The following DYNC1H1 variants were observed in gnomAD, a reference collection of about 807,000 sequenced individuals.
DYNC1H1 encodes cytoplasmic dynein 1 heavy chain 1.
DYNC1H1 carries 51 observed loss-of-function variants against 527.1 expected under a neutral mutation model. The ratio of observed to expected loss-of-function variants is 0.10; its 90% CI spans 0.08 to 0.12. The LOEUF (loss-of-function observed/expected upper bound fraction) is 0.12, where lower values mean the gene tolerates loss of function less well. DYNC1H1 is among the 10% of genes least tolerant of loss of function. The probability of loss-of-function intolerance (pLI) is 1.00; values close to 1 mark genes in which losing one functional copy is unlikely to be tolerated. For synonymous variants in DYNC1H1, 2,189 were observed against 2,278.8 expected (o/e 0.96, Z 1.12); for missense variants, 2,771 against 5,971.8 (o/e 0.46, Z 17.66).
intron 41 of DYNC1H1, among the ~76,000 whole-genome samples, chr14:102,019,207 C>T (rs1000487028): frequency 7.9e-5 from 12 of 152,230 alleles, no homozygotes; most frequent in African/African-American, 2.7e-4. Flanking sequence ...GGACCAGCTA[C>T]GCCTCCACCA....
intron 43 of DYNC1H1, 54 bp downstream of exon 43, chr14:102,022,934 A>C (rs375258507): frequency 6.2e-7 from 1 of 1,612,768 alleles, no homozygotes; most frequent in Admixed American, 1.7e-5. Flanking sequence ...TCCCTTTCTA[A>C]CACTAACGAA....
Position 102,038,484 on chromosome 14 carries a change from T to A in DYNC1H1, c.10933T>A (p.Leu3645Met), listed in dbSNP as rs1333048158. The change falls in exon 58 of 78, where the codon TTG (leucine) becomes ATG (methionine). Residue 3645 changes from leucine to methionine, a missense_variant. Physicochemically the swap from Leu to Met is conservative, Grantham distance 15. Coordinates refer to ENST00000360184, the MANE Select transcript of DYNC1H1 (RefSeq NM_001376.5). The surrounding 1 kb of genome is among the most constrained non-coding windows in gnomAD (Gnocchi z 7.2). The part of the protein sequence containing the change: ...VQDVESYDPV[L>M]NPVLNREVRR... ...GGATGTGGAAAGCTACGATCCAGTT[T>A]TGAACCCGGTGCTGAACCGTGAAGT... The A allele has an allele frequency of 1.2e-6, 2 of 1,614,130 alleles. No individual in the cohort carries two copies. Among genetic ancestry groups the A allele is most frequent in the Non-Finnish European group, 1.7e-6 (2 of 1,180,036 alleles).
At position 102,022,934 on chromosome 14, in the gene DYNC1H1, A is replaced by G. The variant is rs375258507; in HGVS notation, c.8637+54A>G. The G allele has an allele frequency of 2.0e-5, 32 of 1,612,768 alleles. No homozygotes were observed. The East Asian group carries it at 2.0e-4, about 10-fold the overall frequency. On this transcript the variant is annotated intron_variant, in intron 43 of 77. Transcript: ENST00000360184. ...CTTCTTTTTCTGCCATCCCTTTCTA[A>G]CACTAACGAATTCTAACGAATTATC...
chr14:102,026,254 T>C (rs566298318), intron 43 of DYNC1H1, among the ~76,000 whole-genome samples: 1 of 152,346 alleles, frequency 6.6e-6, no homozygotes, highest in South Asian at 2.1e-4. Flanking sequence ...TGACTGGGAT[T>C]ACATTGAACT....
rs1252224709 is a variant in DYNC1H1 at position 101,997,457 on chromosome 14, CCT to C, written c.3804+186_3804+187del. ...GTGAAAATATGAAGCCCAGCTTAGACCTCTTTTTACTCAGAATGGCATTCAGT... is the reference window on the plus strand; with the variant it reads ...GTGAAAATATGAAGCCCAGCTTAGACCTTTTTACTCAGAATGGCATTCAGT... On this transcript the variant is annotated intron_variant, in intron 16 of 77. Coordinates refer to ENST00000360184, the MANE Select transcript of DYNC1H1 (RefSeq NM_001376.5). The surrounding 1 kb of genome is among the most constrained non-coding windows in gnomAD (Gnocchi z 4.8). 1.3e-5 allele frequency among the ~76,000 whole-genome samples: 2 copies of C among 152,158 alleles called. No individual in the cohort carries two copies. Among genetic ancestry groups the C allele is most frequent in the Non-Finnish European group, 2.9e-5 (2 of 68,028 alleles).
chr14:102,055,247 C>T lies in DYNC1H1; in HGVS notation c.*4684C>T, dbSNP rs1319336328. On this transcript the variant is annotated 3_prime_UTR_variant, in exon 78 of 78. Coordinates refer to ENST00000360184, the MANE Select transcript of DYNC1H1 (RefSeq NM_001376.5). ...ACCTAAGTGACAGATCCAGCATGCA[C>T]TTTATGACCATCACTCTGCTCCTCC... 6.6e-6 allele frequency: 1 copy of T among 152,274 alleles called. No homozygotes were observed. The highest frequency in any genetic ancestry group is 2.4e-5 in the African/African-American group (1 of 41,412). The allele number at this position is 152,274 out of a possible 1,614,324, so 9.4% of individuals were successfully genotyped here.
At position 102,033,040 on chromosome 14, in the gene DYNC1H1, T is replaced by C. The variant is rs1262636039; in HGVS notation, c.10080-25T>C. The C allele has an allele frequency of 6.2e-7, 1 of 1,605,584 alleles. No homozygotes were observed. Among genetic ancestry groups the C allele is most frequent in the East Asian group, 2.2e-5 (1 of 44,850 alleles). On this transcript the variant is annotated intron_variant, in intron 52 of 77. Transcript: ENST00000360184. This position sits in a 1 kb window ranked among gnomAD's most constrained non-coding sequence, Gnocchi z 5.6. ...TCCTTGCTTTTGTCCTGCATGTGTT[T>C]AGAAATATCATTCGTCTTTTACAGT...
chr14:102,017,791 C>G lies in DYNC1H1; in HGVS notation c.8177+287C>G. 1 of 444,334 alleles carries G rather than the reference C, an allele frequency of 2.3e-6. No individual in the cohort carries two copies. The highest frequency in any genetic ancestry group is 4.1e-6 in the Non-Finnish European group (1 of 243,610). The allele number at this position is 444,334 out of a possible 1,614,324, so 27.5% of individuals were successfully genotyped here. A position where few individuals can be genotyped will look rare whatever the true frequency, so the allele number is the denominator to read the frequency against. ...ACCATCCTGGCCAACACAGTGAAACCTCGTCTCTACTGAAAATACAAAAAC... is the reference window on the plus strand; with the variant it reads ...ACCATCCTGGCCAACACAGTGAAACGTCGTCTCTACTGAAAATACAAAAAC... On this transcript the variant is annotated intron_variant, in intron 40 of 77. Transcript: ENST00000360184. The surrounding 1 kb of genome is among the most constrained non-coding windows in gnomAD (Gnocchi z 4.6).
intron 11 of DYNC1H1, among the ~76,000 whole-genome samples, chr14:101,993,577 C>T (rs1175811591): frequency 1.3e-5 from 2 of 152,168 alleles, no homozygotes; most frequent in African/African-American, 4.8e-5. Flanking sequence ...AGACTCTTGC[C>T]CCTGCGCCTT....
Position 102,044,581 on chromosome 14 carries a change from C to T in DYNC1H1, c.12903-14C>T, listed in dbSNP as rs139935428. The stretch of plus-strand genomic sequence containing the variant: ...TGACCCCTGACATCATTTCCAAATG[C>T]ACTGGTTTTCTAGGCGAGAGGAGTT... On this transcript the variant is annotated splice_polypyrimidine_tract_variant and intron_variant, in intron 71 of 77. Coordinates refer to ENST00000360184, the MANE Select transcript of DYNC1H1 (RefSeq NM_001376.5). This position sits in a 1 kb window ranked among gnomAD's most constrained non-coding sequence, Gnocchi z 7.1. 1.3e-4 allele frequency: 204 copies of T among 1,614,214 alleles called. 2 individuals carry two copies. In the African/African-American group the frequency reaches 2.4e-3, roughly 19 times the overall value.
chr14:102,008,441 CA>C, intron 29 of DYNC1H1, 104 bp downstream of exon 29: 1 of 1,434,594 alleles, frequency 7.0e-7, no homozygotes, highest in Non-Finnish European at 9.5e-7. Flanking sequence ...GAATTTAGCT[CA>C]CAGGAGCTCA....
In DYNC1H1 at chr14:102,001,001, T is replaced by C; in HGVS notation, c.4122T>C (p.Pro1374=). ...DALLNQLKSF[P]ARLRQYASYE... ...TCCTGAACCAGCTGAAAAGCTTCCC[T>C]GCCCGGTTGCGACAGTATGCGTCCT... The change falls in exon 19 of 78, where the codon CCT becomes CCC. Residue 1374 remains proline, a synonymous_variant. Coordinates refer to ENST00000360184, the MANE Select transcript of DYNC1H1 (RefSeq NM_001376.5). The surrounding 1 kb of genome is among the most constrained non-coding windows in gnomAD (Gnocchi z 5.0). The C allele has an allele frequency of 3.7e-6, 6 of 1,614,242 alleles. No individual in the cohort carries two copies. Among genetic ancestry groups the C allele is most frequent in the Non-Finnish European group, 5.1e-6 (6 of 1,180,038 alleles).
At position 102,010,815 on chromosome 14, in the gene DYNC1H1, C is replaced by G; in HGVS notation, c.6481C>G (p.Leu2161Val). 2 of 1,614,220 alleles carry G rather than the reference C, an allele frequency of 1.2e-6. No homozygotes were observed. The highest frequency in any genetic ancestry group is 1.7e-6 in the Non-Finnish European group (2 of 1,180,046). ...GGACATCCCGCTGCTCTTCAGCCTC[C>G]TGTCGGACGTGTTCCCTGGAGTCCA... ...AEDIPLLFSL[L>V]SDVFPGVQYH... The change falls in exon 32 of 78, where the codon CTG becomes GTG. Residue 2161 changes from leucine (L) to valine (V), a missense_variant. Coordinates refer to ENST00000360184, the MANE Select transcript of DYNC1H1 (RefSeq NM_001376.5). This position sits in a 1 kb window ranked among gnomAD's most constrained non-coding sequence, Gnocchi z 6.0.
chr14:101,977,340 G>T (rs762406746), intron 2 of DYNC1H1, among the ~76,000 whole-genome samples: 8 of 152,140 alleles, frequency 5.3e-5, no homozygotes, highest in Non-Finnish European at 1.2e-4. Context: ...GGTTACGGAA[G>T]AGTTGCGTGA....
chr14:101,991,007 C>CA (rs113053648), intron 10 of DYNC1H1, among the ~76,000 whole-genome samples: 2,087 of 68,264 alleles, frequency 0.031, 56 homozygotes, highest in African/African-American at 0.081. Context: ...GACTCCGTCT[C>CA]AAAAAAAAAA....
rs1567008191 is a variant in DYNC1H1, at chr14:102,005,260, C to T, written c.5433+24C>T. 6.2e-7 allele frequency: 1 copy of T among 1,613,908 alleles called. No homozygotes were observed. The highest frequency in any genetic ancestry group is 1.1e-5 in the South Asian group (1 of 91,070). On this transcript the variant is annotated intron_variant, in intron 26 of 77. Coordinates refer to ENST00000360184, the MANE Select transcript of DYNC1H1 (RefSeq NM_001376.5). The surrounding 1 kb of genome is among the most constrained non-coding windows in gnomAD (Gnocchi z 4.0). ...TGGTTAGTCTCACACCTGACTCCTT[C>T]CTTACCAGTTAGACTCTTACACCCT... is the stretch of plus-strand genomic sequence containing the variant.
At chr14:102,008,056 C>G in intron 28 of DYNC1H1, 122 bp from the exon 29 acceptor site, 1 of 1,421,518 alleles carries the variant, frequency 7.0e-7, no homozygotes. Context: ...CTTACACGCT[C>G]TTTCGCTAAA....
At position 101,965,292 on chromosome 14, in the gene DYNC1H1, C is replaced by G. The variant is rs925452237; in HGVS notation, c.256+345C>G. 2.0e-5 allele frequency among the ~76,000 whole-genome samples: 3 copies of G among 152,214 alleles called. No homozygotes were observed. The highest frequency in any genetic ancestry group is 7.2e-5 in the African/African-American group (3 of 41,468). On this transcript the variant is annotated intron_variant, in intron 1 of 77. Coordinates refer to ENST00000360184, the MANE Select transcript of DYNC1H1 (RefSeq NM_001376.5). The surrounding 1 kb of genome is among the most constrained non-coding windows in gnomAD (Gnocchi z 4.1). ...GGTCGCTTTGTCTGCTCGGGCCTCT[C>G]AAGATGGCCGAGTTGGGTGGAGACA... is the stretch of plus-strand genomic sequence containing the variant.
intron 27 of DYNC1H1, among the ~76,000 whole-genome samples, chr14:102,006,437 G>C (rs546026896): frequency 2.0e-5 from 3 of 152,310 alleles, no homozygotes; most frequent in Admixed American, 2.0e-4. Flanking sequence ...GTTTCACCAT[G>C]TTGGCCAGGC....
Sources: gnomAD v4.1 joint callset for allele counts (sites outside exome capture counted in the v4.1 genomes callset) on GRCh38, gnomAD v4.1.1 for gene constraint, Gnocchi (gnomAD v3.1) non-coding constraint, MANE v1.5 for transcripts, NCBI Gene and HGNC (gene_info 2026-07-23, HGNC 2026-07-21) for gene names.